RABGEF1: variants seen among roughly 807,000 people sequenced by gnomAD.
RABGEF1 encodes RAB guanine nucleotide exchange factor 1.
A neutral mutation model predicts 57.3 loss-of-function variants in RABGEF1; 26 were observed. The ratio of observed to expected loss-of-function variants is 0.45; its 90% CI spans 0.33 to 0.63. The LOEUF (loss-of-function observed/expected upper bound fraction) is 0.63, where lower values mean the gene tolerates loss of function less well. Among genes scored for constraint, RABGEF1 ranks in the 20% least tolerant of loss-of-function variants. RABGEF1 has a pLI of 0.02. For synonymous variants in RABGEF1, 185 were observed against 210.7 expected (o/e 0.88, Z 1.06); for missense variants, 464 against 607.6 (o/e 0.76, Z 2.48).
intron 1 of RABGEF1, among the ~76,000 whole-genome samples, chr7:66,690,100 CT>C (rs892888858): frequency 0.11 from 14,155 of 123,990 alleles, 362 homozygotes; most frequent in East Asian, 0.14. Context: ...ATAAAAAATT[CT>C]TTTTTTTTTT....
intron 1 of RABGEF1, among the ~76,000 whole-genome samples, chr7:66,691,277 AC>A (rs1281688299): frequency 6.6e-6 from 1 of 152,032 alleles, no homozygotes; most frequent in East Asian, 1.9e-4. Context: ...CTAGGCATTT[AC>A]TCAAGAGAAA....
the RABGEF1 span, chr7:66,669,796 C>T: frequency 6.6e-6 from 1 of 152,388 alleles, no homozygotes; most frequent in Non-Finnish European, 1.5e-5. Flanking sequence ...CATCATCTAC[C>T]TGGTGGCTCC....
intron 1 of RABGEF1, among the ~76,000 whole-genome samples, chr7:66,694,717 T>C (rs532379993): frequency 6.6e-6 from 1 of 152,296 alleles, no homozygotes; most frequent in African/African-American, 2.4e-5. Context: ...ATCTCGTGGA[T>C]TGGCCTTGGT....
the RABGEF1 span, among the ~76,000 whole-genome samples, chr7:66,664,603 CTTAAAT>C: frequency 6.6e-6 from 1 of 152,030 alleles, no homozygotes; most frequent in Non-Finnish European, 1.5e-5. Context: ...GACCGTGTCT[CTTAAAT>C]TTAAATTAAA....
At chr7:66,765,150 G>A (rs1297916852) in intron 1 of RABGEF1, among the ~76,000 whole-genome samples, 1 of 151,456 alleles carries the variant, frequency 6.6e-6, no homozygotes, top group Non-Finnish European at 1.5e-5. Flanking sequence ...GTGAAAAGGT[G>A]GAGAATGATA....
intron 2 of RABGEF1, among the ~76,000 whole-genome samples, chr7:66,714,381 T>C (rs1271281299): frequency 1.3e-5 from 2 of 152,252 alleles, no homozygotes; most frequent in Admixed American, 6.5e-5. Context: ...TTATTATCCT[T>C]CTAACATTTG....
rs112867698 is a variant in RABGEF1 at position 66,758,432 on chromosome 7, T to C, written c.-17-13451T>C. On this transcript the variant is annotated intron_variant, in intron 1 of 8. Coordinates refer to ENST00000284957, the MANE Select transcript of RABGEF1 (RefSeq NM_014504.3). ...TCTTCCCTGACATAAGTGGGACCAATTGAATTGTGCATTCTTTATGCCCAG... is the reference window on the plus strand; with the variant it reads ...TCTTCCCTGACATAAGTGGGACCAACTGAATTGTGCATTCTTTATGCCCAG... 2.8e-3 allele frequency among the ~76,000 whole-genome samples: 430 copies of C among 152,300 alleles called. 1 individual carries two copies. The highest frequency in any genetic ancestry group is 1.0e-2 in the African/African-American group (414 of 41,566).
At chr7:66,754,557 A>C (rs1268796532) in intron 1 of RABGEF1, among the ~76,000 whole-genome samples, 1 of 152,012 alleles carries the variant, frequency 6.6e-6, no homozygotes, top group Non-Finnish European at 1.5e-5. Context: ...CAGCCTGGCC[A>C]ACAGGGTGAG....
intron 8 of RABGEF1, 42 bp from the exon 9 acceptor site, chr7:66,808,844 T>C (rs202105795): frequency 4.9e-5 from 72 of 1,478,558 alleles, no homozygotes; most frequent in Admixed American, 8.5e-5. Flanking sequence ...CGAGTATGCA[T>C]AGCTTTCCTA....
chr7:66,680,892 C>T (rs1789667093), upstream of RABGEF1, among the ~76,000 whole-genome samples: 1 of 152,096 alleles, frequency 6.6e-6, no homozygotes, highest in African/African-American at 2.4e-5. Flanking sequence ...ACCAGCCTGG[C>T]CAACATGGTG....
chr7:66,741,922 G>C (rs1799056647), intron 1 of RABGEF1, among the ~76,000 whole-genome samples: 1 of 151,986 alleles, frequency 6.6e-6, no homozygotes, highest in Admixed American at 6.6e-5. Flanking sequence ...GGATCATGAC[G>C]TCAGGAGCTT....
chr7:66,768,646 A>T (rs1200539003), intron 1 of RABGEF1, among the ~76,000 whole-genome samples: 2 of 151,820 alleles, frequency 1.3e-5, no homozygotes, highest in Non-Finnish European at 2.9e-5. Flanking sequence ...ATATGTGCTG[A>T]TCTGAGACCT....
chr7:66,662,615 A>G, the RABGEF1 span, among the ~76,000 whole-genome samples: 1 of 151,984 alleles, frequency 6.6e-6, no homozygotes, highest in Non-Finnish European at 1.5e-5. Context: ...AAATCAACTG[A>G]TCTTCAAGAG....
intron 1 of RABGEF1, among the ~76,000 whole-genome samples, chr7:66,711,866 G>A (rs1406688034): frequency 6.6e-6 from 1 of 152,132 alleles, no homozygotes; most frequent in Non-Finnish European, 1.5e-5. Flanking sequence ...GATTACAGGT[G>A]TGAGCCACTG....
At chr7:66,778,738 T>C (rs1436459180) in intron 3 of RABGEF1, among the ~76,000 whole-genome samples, 2 of 152,096 alleles carry the variant, frequency 1.3e-5, no homozygotes, top group African/African-American at 4.8e-5. Context: ...CTTCAATATT[T>C]TGGGGACATT....
intron 2 of RABGEF1, among the ~76,000 whole-genome samples, chr7:66,728,274 G>A (rs766621206): frequency 1.3e-5 from 2 of 152,110 alleles, no homozygotes; most frequent in Non-Finnish European, 2.9e-5. Context: ...GCTAAGCTTG[G>A]GGGGGCCACT....
At chr7:66,728,502 A>G (rs1796857029) in intron 2 of RABGEF1, among the ~76,000 whole-genome samples, 1 of 143,650 alleles carries the variant, frequency 7.0e-6, no homozygotes, top group Non-Finnish European at 1.5e-5. Context: ...TTCATGACCC[A>G]CAATGGCATT....
At chr7:66,765,848 T>C (rs1322743459) in intron 1 of RABGEF1, among the ~76,000 whole-genome samples, 1 of 152,168 alleles carries the variant, frequency 6.6e-6, no homozygotes, top group East Asian at 1.9e-4. Flanking sequence ...TCTTTGTGGA[T>C]TGAGAGGACA....
At chr7:66,734,241 C>T (rs1437227174) in intron 2 of RABGEF1, among the ~76,000 whole-genome samples, 6 of 152,244 alleles carry the variant, frequency 3.9e-5, no homozygotes, top group Non-Finnish European at 5.9e-5. Context: ...AGGAGAGGCA[C>T]GGGTTATCGG....
Sources: gnomAD v4.1 joint callset for allele counts (sites outside exome capture counted in the v4.1 genomes callset) on GRCh38, gnomAD v4.1.1 for gene constraint, MANE v1.5 for transcripts, NCBI Gene and HGNC (gene_info 2026-07-23, HGNC 2026-07-21) for gene names.